TBL1X: variants seen among roughly 807,000 people sequenced by gnomAD.
TBL1X encodes transducin beta like 1 X-linked.
In TBL1X, 10 loss-of-function variants were observed where a neutral mutation model predicts 50.7. The observed-to-expected ratio is 0.20, with a 90% CI of 0.12 to 0.33. The LOEUF (loss-of-function observed/expected upper bound fraction) is 0.33, where lower values mean the gene tolerates loss of function less well. Among genes scored for constraint, TBL1X ranks in the 10% least tolerant of loss-of-function variants. The probability of loss-of-function intolerance (pLI) is 1.00; values close to 1 mark genes in which losing one functional copy is unlikely to be tolerated. For missense variants in TBL1X, 340 were observed against 504.4 expected (o/e 0.67, Z 3.12); for synonymous variants, 190 against 214.7 (o/e 0.88, Z 1.01).
At chrX:9,662,274 C>T (rs941296458) in intron 5 of TBL1X, among the ~76,000 whole-genome samples, 3 of 111,690 alleles carry the variant, frequency 2.7e-5, no homozygotes, top group Admixed American at 1.9e-4. Context: ...GGGAGCAGTA[C>T]AGTGTCCTTT....
chrX:9,476,093 C>T (rs1215677587), intron 1 of TBL1X, among the ~76,000 whole-genome samples: 1 of 111,747 alleles, frequency 8.9e-6, no homozygotes, highest in Non-Finnish European at 1.9e-5. Context: ...TGTTGCTTCT[C>T]TTTATGGTAA....
In TBL1X at chrX:9,543,238, C is replaced by T. The variant is rs190119632; in HGVS notation, c.-131+41389C>T. On this transcript the variant is annotated intron_variant, in intron 2 of 17. Transcript: ENST00000645353. ...CCTCCCTGGATTTGATTTTGTGGCTCTTCTGGGTGTGCGTGTGAGTGTGTT... is the reference window on the plus strand; with the variant it reads ...CCTCCCTGGATTTGATTTTGTGGCTTTTCTGGGTGTGCGTGTGAGTGTGTT... Among the ~76,000 whole-genome samples the T allele has an allele frequency of 9.1e-3, 1,015 of 111,561 alleles. 9 individuals are homozygous for T. Among genetic ancestry groups the T allele is most frequent in the African/African-American group, 0.031 (966 of 30,719 alleles).
intron 2 of TBL1X, among the ~76,000 whole-genome samples, chrX:9,624,250 C>T (rs1237532357): frequency 1.8e-5 from 2 of 112,242 alleles, no homozygotes; most frequent in Non-Finnish European, 3.8e-5. Context: ...GTTGTTTTTG[C>T]AAAGAGCTGT....
At chrX:9,525,374 G>A (rs752805537) in intron 2 of TBL1X, among the ~76,000 whole-genome samples, 17 of 111,415 alleles carry the variant, frequency 1.5e-4, no homozygotes, top group Admixed American at 3.8e-4. Context: ...TTTATTTTTT[G>A]AGCCTGCCTT....
chrX:9,682,657 C>T (rs1055196601), intron 5 of TBL1X, among the ~76,000 whole-genome samples: 6 of 111,517 alleles, frequency 5.4e-5, no homozygotes, highest in Non-Finnish European at 7.5e-5. Context: ...TTGGATAAGG[C>T]GAGGCAGAAG....
At chrX:9,577,830 G>A (rs1178701119) in intron 2 of TBL1X, among the ~76,000 whole-genome samples, 1 of 112,310 alleles carries the variant, frequency 8.9e-6, no homozygotes, top group Non-Finnish European at 1.9e-5. Context: ...GGAGCTTCTC[G>A]GGCAGTGTTC....
At chrX:9,534,617 A>T (rs902136183) in intron 2 of TBL1X, among the ~76,000 whole-genome samples, 1 of 111,247 alleles carries the variant, frequency 9.0e-6, no homozygotes, top group East Asian at 2.8e-4. Flanking sequence ...GTTTTTCACT[A>T]AAGTAGACTC....
intron 5 of TBL1X, among the ~76,000 whole-genome samples, chrX:9,678,521 G>GT (rs1250172346): frequency 8.9e-6 from 1 of 112,714 alleles, no homozygotes; most frequent in Non-Finnish European, 1.9e-5. Context: ...TTGGATAGCT[G>GT]TAAGTATTAC....
chrX:9,648,767 C>T (rs1202338390), intron 3 of TBL1X, among the ~76,000 whole-genome samples: 8 of 112,216 alleles, frequency 7.1e-5, no homozygotes, highest in South Asian at 3.7e-4. Flanking sequence ...TGCTACACTA[C>T]GAATACCACT....
chrX:9,509,315 C>T (rs1472868836), intron 2 of TBL1X, among the ~76,000 whole-genome samples: 4 of 92,306 alleles, frequency 4.3e-5, no homozygotes, highest in Non-Finnish European at 8.3e-5. Context: ...GGCATGAACC[C>T]GGGAGGTGGA....
chrX:9,675,763 C>T (rs964434503), intron 5 of TBL1X, among the ~76,000 whole-genome samples: 1 of 109,837 alleles, frequency 9.1e-6, no homozygotes, highest in African/African-American at 3.3e-5. Flanking sequence ...TGGTGGCATG[C>T]GCCTGTAATC....
intron 2 of TBL1X, among the ~76,000 whole-genome samples, chrX:9,556,922 G>C (rs2146997110): frequency 9.1e-6 from 1 of 109,409 alleles, no homozygotes; most frequent in East Asian, 2.9e-4. Context: ...TTTTCACATT[G>C]CATTTCCCCT....
At chrX:9,649,264 A>G (rs1024605768) in intron 3 of TBL1X, among the ~76,000 whole-genome samples, 9 of 112,587 alleles carry the variant, frequency 8.0e-5, no homozygotes, top group Admixed American at 6.6e-4. Flanking sequence ...TTTAAAAGCT[A>G]GCAAAGTAAG....
chrX:9,583,134 T>C (rs2082451026), intron 2 of TBL1X, among the ~76,000 whole-genome samples: 1 of 112,343 alleles, frequency 8.9e-6, no homozygotes, highest in South Asian at 3.7e-4. Flanking sequence ...AGCAGGGTGG[T>C]CAGGCGGCAG....
intron 17 of TBL1X, 88 bp from the exon 18 acceptor site, chrX:9,716,132 C>T (rs991705908): frequency 8.1e-6 from 8 of 990,935 alleles, no homozygotes; most frequent in African/African-American, 7.6e-5. Flanking sequence ...CTAGATTGGG[C>T]GTGGGGGCCG....
rs1478603005 is a variant in TBL1X at position 9,681,878 on chromosome X, A to G, written c.212-2165A>G. On this transcript the variant is annotated intron_variant, in intron 5 of 17. Transcript: ENST00000645353. ...TCTCAGAGACTGATTGATCAAGGGG[A>G]AAGCGGCAGTGACAGAATGATGCTG... Among the ~76,000 whole-genome samples the G allele has an allele frequency of 7.1e-5, 8 of 112,630 alleles. No homozygotes were observed. In the Admixed American group the frequency reaches 7.5e-4, roughly 11 times the overall value.
chrX:9,512,287 A>G (rs2082059851), intron 2 of TBL1X, among the ~76,000 whole-genome samples: 1 of 111,358 alleles, frequency 9.0e-6, no homozygotes, highest in South Asian at 3.8e-4. Flanking sequence ...CATCATAGAT[A>G]TGAAGAGAAA....
At chrX:9,640,847 TG>T (rs2082772301) in intron 3 of TBL1X, among the ~76,000 whole-genome samples, 1 of 111,642 alleles carries the variant, frequency 9.0e-6, no homozygotes, top group Non-Finnish European at 1.9e-5. Flanking sequence ...TTGTCCAGGC[TG>T]GTCTCGAACT....
At chrX:9,692,052 T>A in intron 8 of TBL1X, 61 bp from the exon 9 acceptor site, 1 of 1,207,109 alleles carries the variant, frequency 8.3e-7, no homozygotes, top group Non-Finnish European at 1.1e-6. Context: ...GAGCAAGCTG[T>A]GGAGAGCTTC....
Sources: gnomAD v4.1 joint callset for allele counts (sites outside exome capture counted in the v4.1 genomes callset) on GRCh38, gnomAD v4.1.1 for gene constraint, MANE v1.5 for transcripts, NCBI Gene and HGNC (gene_info 2026-07-23, HGNC 2026-07-21) for gene names.